C21orf58: variants seen among roughly 807,000 people sequenced by gnomAD.
C21orf58 encodes chromosome 21 open reading frame 58.
C21orf58 carries 34 observed loss-of-function variants against 35.8 expected under a neutral mutation model. That is an observed-to-expected ratio of 0.95 (90% CI 0.72 to 1.26). The LOEUF is 1.26. Ranked by LOEUF, C21orf58 falls within the 50% of genes most tolerant of loss-of-function variation. C21orf58 has a pLI of 0.00. For missense variants in C21orf58, 440 were observed against 414.3 expected (o/e 1.06, Z -0.54); for synonymous variants, 191 against 175.8 (o/e 1.09, Z -0.68).
At chr21:46,302,234 C>T in intron 7 of C21orf58, 80 bp from the exon 8 acceptor site, 1 of 1,432,462 alleles carries the variant, frequency 7.0e-7, no homozygotes, top group Non-Finnish European at 9.1e-7. Flanking sequence ...CTAACTGGGG[C>T]TGGATCCCAT....
chr21:46,315,067 G>T (rs918063358), intron 4 of C21orf58, 187 bp from the exon 5 acceptor site: 2 of 1,469,384 alleles, frequency 1.4e-6, no homozygotes, highest in East Asian at 2.5e-5. Flanking sequence ...TGACCCAAGC[G>T]TGTCAGCTAG....
Position 46,322,879 on chromosome 21 carries a change from CCA to C in C21orf58, c.-143_-142del, listed in dbSNP as rs2083223398. On this transcript the variant is annotated 5_prime_UTR_variant, in exon 1 of 8. The change creates a premature stop within an existing upstream ORF in the 5' untranslated region. Transcript: ENST00000291691. ...AAGGTGAGCTTGCGTCAGCGAGGAGCCACTCCAGCACGCTCGGGAAGGGCATC... is the reference window on the plus strand; with the variant it reads ...AAGGTGAGCTTGCGTCAGCGAGGAGCCTCCAGCACGCTCGGGAAGGGCATC... 1.8e-6 allele frequency: 1 copy of C among 552,250 alleles called. No individual in the cohort carries two copies. The highest frequency in any genetic ancestry group is 3.3e-5 in the East Asian group (1 of 30,760). The allele number at this position is 552,250 out of a possible 1,614,324, so 34.2% of individuals were successfully genotyped here. A position where few individuals can be genotyped will look rare whatever the true frequency, so the allele number is the denominator to read the frequency against.
chr21:46,322,768 C>T lies in C21orf58; in HGVS notation c.-30G>A, dbSNP rs1481769757. 7.1e-7 allele frequency: 1 copy of T among 1,405,586 alleles called. No homozygotes were observed. Among genetic ancestry groups the T allele is most frequent in the South Asian group, 1.4e-5 (1 of 69,010 alleles). The allele number at this position is 1,405,586 out of a possible 1,614,324, so 87.1% of individuals were successfully genotyped here. On this transcript the variant is annotated 5_prime_UTR_variant, in exon 1 of 8. Transcript: ENST00000291691. ...CTATAGCCTGGGCGTCGCAGCGAGA[C>T]TGTCTCAAAAAAAGAAAAAAAATTC...
rs1328972586 is a variant in C21orf58 at position 46,302,617 on chromosome 21, T to C, written c.722-41A>G. 5 of 1,490,788 alleles carry C rather than the reference T, an allele frequency of 3.4e-6. No homozygotes were observed. In the East Asian group the frequency reaches 1.2e-4, roughly 35 times the overall value. The allele number at this position is 1,490,788 out of a possible 1,614,324, so 92.3% of individuals were successfully genotyped here. A position where few individuals can be genotyped will look rare whatever the true frequency, so the allele number is the denominator to read the frequency against. ...AGGGGGACCCTGAATAAAGTTTCCG[T>C]TTTTCCTATTTGTTAAAGTGATAGA... On this transcript the variant is annotated intron_variant, in intron 6 of 7. Coordinates refer to ENST00000291691, the MANE Select transcript of C21orf58 (RefSeq NM_058180.5).
At chr21:46,321,315 C>T (rs550535046) in intron 1 of C21orf58, among the ~76,000 whole-genome samples, 10 of 152,144 alleles carry the variant, frequency 6.6e-5, no homozygotes, top group East Asian at 1.9e-4. Context: ...ACTACAGGTA[C>T]GTGCCATCAT....
chr21:46,301,660 T>C lies in C21orf58; in HGVS notation c.*339A>G, dbSNP rs2145876635. ...CTGGTGGCGTCCACGGCCTCAACTT[T>C]ACCTCCGTGATGGAAGAGGGGGATC... On this transcript the variant is annotated 3_prime_UTR_variant, in exon 8 of 8. Transcript: ENST00000291691. 1 of 1,113,384 alleles carries C rather than the reference T, an allele frequency of 9.0e-7. No individual in the cohort carries two copies. Among genetic ancestry groups the C allele is most frequent in the South Asian group, 4.4e-5 (1 of 22,524 alleles). 69.0% of individuals were successfully genotyped at this position (1,113,384 alleles called of 1,614,324 possible).
chr21:46,317,156 G>A lies in C21orf58; in HGVS notation c.370+52C>T, dbSNP rs972511783. The A allele has an allele frequency of 3.2e-6, 5 of 1,566,252 alleles. No homozygotes were observed. In the Admixed American group the frequency reaches 7.1e-5, roughly 22 times the overall value. ...CCCTGGAGGTGGCTCCCCCTGGAGT[G>A]GCTACACTTGCGTCTGTCTGTGCTG... On this transcript the variant is annotated intron_variant, in intron 3 of 7. Transcript: ENST00000291691.
chr21:46,313,044 C>T, intron 5 of C21orf58: 1 of 985,420 alleles, frequency 1.0e-6, no homozygotes, highest in Non-Finnish European at 1.2e-6. Context: ...TTCCTCAGTT[C>T]ACAGAAAGGA....
chr21:46,313,247 A>G (rs895518155), intron 5 of C21orf58: 1 of 161,406 alleles, frequency 6.2e-6, no homozygotes, highest in African/African-American at 2.4e-5. Context: ...TATAATTTTC[A>G]TATGTTGCAA....
At chr21:46,321,901 CTTTTTTTTT>C (rs397867797) in intron 1 of C21orf58, among the ~76,000 whole-genome samples, 13 of 119,126 alleles carry the variant, frequency 1.1e-4, no homozygotes, top group African/African-American at 2.6e-4. Context: ...ATCTGGGCAG[CTTTTTTTTT>C]TTTTTTTTTT....
chr21:46,311,415 A>G, intron 6 of C21orf58, 41 bp downstream of exon 6: 1 of 1,223,646 alleles, frequency 8.2e-7, no homozygotes, highest in South Asian at 1.5e-5. Flanking sequence ...TTCAGTAGAT[A>G]ATTTCCTCAA....
intron 1 of C21orf58, chr21:46,320,870 T>C (rs1200895591): frequency 1.3e-5 from 2 of 152,206 alleles, no homozygotes; most frequent in African/African-American, 2.4e-5. Flanking sequence ...TGGTCAAGTA[T>C]ACTATTATGT....
chr21:46,314,617 C>T, intron 5 of C21orf58, 99 bp downstream of exon 5: 1 of 1,006,832 alleles, frequency 9.9e-7, no homozygotes, highest in Non-Finnish European at 1.4e-6. Flanking sequence ...GGTGACGAGG[C>T]AACCTCGCTG....
At chr21:46,312,592 A>G (rs1403431561) in intron 5 of C21orf58, among the ~76,000 whole-genome samples, 1 of 152,194 alleles carries the variant, frequency 6.6e-6, no homozygotes, top group Non-Finnish European at 1.5e-5. Context: ...GTGTCCAGGC[A>G]GGGGAAATGC....
chr21:46,302,008 G>T lies in C21orf58; in HGVS notation c.960C>A (p.Gly320=). Residue 320 remains glycine, a synonymous_variant, in exon 8 of 8, where the codon GGC becomes GGA. Transcript: ENST00000291691. ...LQPAPSLWTP[G]PP is the part of the protein sequence containing the mutation. ...TCTCTGTGACTCACACTCAGGGTGGGCCAGGCGTCCACAGGCTGGGGGCGG... is the reference window on the plus strand; with the variant it reads ...TCTCTGTGACTCACACTCAGGGTGGTCCAGGCGTCCACAGGCTGGGGGCGG... The T allele has an allele frequency of 6.5e-7, 1 of 1,531,964 alleles. No individual in the cohort carries two copies. Among genetic ancestry groups the T allele is most frequent in the Non-Finnish European group, 8.8e-7 (1 of 1,139,328 alleles). The allele number at this position is 1,531,964 out of a possible 1,614,324, so 94.9% of individuals were successfully genotyped here. A position where few individuals can be genotyped will look rare whatever the true frequency, so the allele number is the denominator to read the frequency against.
At chr21:46,317,130 C>T (rs2083001225) in intron 3 of C21orf58, 78 bp downstream of exon 3, 11 of 1,297,208 alleles carry the variant, frequency 8.5e-6, no homozygotes, top group East Asian at 2.4e-5. Flanking sequence ...TCCCCACCTC[C>T]CCCTGGAGGT....
chr21:46,317,176 G>C (rs911156289), intron 3 of C21orf58, 32 bp downstream of exon 3: 3 of 1,600,682 alleles, frequency 1.9e-6, no homozygotes, highest in African/African-American at 2.7e-5. Flanking sequence ...GCGTCTGTCT[G>C]TGCTGGTTCC....
intron 1 of C21orf58, among the ~76,000 whole-genome samples, chr21:46,319,800 G>A (rs566225526): frequency 6.6e-6 from 1 of 152,182 alleles, no homozygotes; most frequent in Admixed American, 6.5e-5. Flanking sequence ...GGGAGGCTGA[G>A]GCAGGAGAAT....
chr21:46,322,068 C>T (rs1476122326), intron 1 of C21orf58, among the ~76,000 whole-genome samples: 1 of 152,006 alleles, frequency 6.6e-6, no homozygotes, highest in African/African-American at 2.4e-5. Context: ...GCAGGTGGAT[C>T]ACTTGAGCCC....
Sources: allele counts gnomAD v4.1 joint callset (sites outside exome capture counted in the v4.1 genomes callset), GRCh38; gene constraint gnomAD v4.1.1; transcripts MANE v1.5; gene names NCBI Gene and HGNC (gene_info 2026-07-23, HGNC 2026-07-21).